Variants in NLGN1 observed in about 807,000 individuals in gnomAD.
NLGN1 encodes the protein neuroligin-1.
A neutral mutation model predicts 65.5 loss-of-function variants in NLGN1; 12 were observed. That is an observed-to-expected ratio of 0.18 (90% CI 0.12 to 0.30). NLGN1 has a LOEUF of 0.30. NLGN1 is among the 10% of genes least tolerant of loss of function. The pLI is 1.00. For synonymous variants in NLGN1, 350 were observed against 359.5 expected, an observed-to-expected ratio of 0.97 and a Z score of 0.30; for missense variants, 750 against 1,007.1, an observed-to-expected ratio of 0.74 and a Z score of 3.46.
intron 4 of NLGN1, among the ~76,000 whole-genome samples, chr3:173,873,380 C>A (rs1035151132): frequency 6.6e-6 from 1 of 152,224 alleles, no homozygotes; most frequent in African/African-American, 2.4e-5. Flanking sequence ...TGAGCCACCA[C>A]ACCTGGCCTG....
intron 2 of NLGN1, among the ~76,000 whole-genome samples, chr3:173,588,806 A>G (rs928681067): frequency 6.6e-5 from 10 of 152,140 alleles, no homozygotes; most frequent in African/African-American, 2.4e-4. Context: ...TCATCCTGAC[A>G]CTCATAAAAC....
rs143115233 is a variant in NLGN1 at position 174,174,673 on chromosome 3, G to A, written c.647-100642G>A. The stretch of plus-strand genomic sequence containing the variant: ...CCTTAGCCCACTTTTTGATGGGATT[G>A]TTTTTTTCTTGCTAATTTGTTTGAG... On this transcript the variant is annotated intron_variant, in intron 4 of 6. Coordinates refer to ENST00000457714, the Ensembl canonical transcript of NLGN1. Among the ~76,000 whole-genome samples, 627 of 151,830 alleles carry A rather than the reference G, an allele frequency of 4.1e-3. 4 individuals are homozygous for A. The highest frequency in any genetic ancestry group is 0.014 in the African/African-American group (600 of 41,468).
At chr3:173,723,355 T>C (rs1158615917) in intron 3 of NLGN1, among the ~76,000 whole-genome samples, 1 of 152,220 alleles carries the variant, frequency 6.6e-6, no homozygotes, top group East Asian at 1.9e-4. Flanking sequence ...CACAATACTT[T>C]CTAATCACAT....
intron 2 of NLGN1, among the ~76,000 whole-genome samples, chr3:173,524,099 T>G (rs1735231788): frequency 6.6e-6 from 1 of 150,874 alleles, no homozygotes; most frequent in African/African-American, 2.4e-5. Context: ...TTTTTTTTTT[T>G]GTATGTTTAG....
intron 4 of NLGN1, among the ~76,000 whole-genome samples, chr3:174,175,306 G>C (rs369967388): frequency 3.5e-4 from 53 of 151,874 alleles, no homozygotes; most frequent in Middle Eastern, 3.4e-3. Flanking sequence ...TTATATATCT[G>C]AGTGTTCCAG....
At chr3:173,403,981 T>C (rs1577295324) in intron 1 of NLGN1, among the ~76,000 whole-genome samples, 1 of 152,126 alleles carries the variant, frequency 6.6e-6, no homozygotes, top group Non-Finnish European at 1.5e-5. Flanking sequence ...AGGTACAATA[T>C]GGTGCAATAG....
At chr3:173,842,619 C>G (rs1055298417) in intron 4 of NLGN1, among the ~76,000 whole-genome samples, 2 of 152,210 alleles carry the variant, frequency 1.3e-5, no homozygotes, top group African/African-American at 4.8e-5. Flanking sequence ...GCAGACAAAT[C>G]TTAAAGCTCC....
intron 3 of NLGN1, among the ~76,000 whole-genome samples, chr3:173,790,326 G>A (rs2029335): frequency 0.68 from 103,208 of 151,756 alleles, 36,232 homozygotes; most frequent in Non-Finnish European, 0.77. Context: ...ACAGAGCTGC[G>A]TCCATATCCT....
intron 4 of NLGN1, among the ~76,000 whole-genome samples, chr3:173,991,687 C>G (rs1398804714): frequency 6.6e-6 from 1 of 152,174 alleles, no homozygotes; most frequent in Non-Finnish European, 1.5e-5. Flanking sequence ...CTTCTTCTTT[C>G]ATACCTCATT....
chr3:174,042,398 G>T (rs1217573316), intron 4 of NLGN1, among the ~76,000 whole-genome samples: 1 of 152,148 alleles, frequency 6.6e-6, no homozygotes, highest in African/African-American at 2.4e-5. Context: ...GTGGCGTGAG[G>T]TAGATGTTGA....
chr3:174,131,447 A>T (rs896918694), intron 4 of NLGN1, among the ~76,000 whole-genome samples: 14 of 152,168 alleles, frequency 9.2e-5, no homozygotes, highest in Non-Finnish European at 1.8e-4. Context: ...CCCAGAGCTG[A>T]GTTCTGATTC....
intron 2 of NLGN1, among the ~76,000 whole-genome samples, chr3:173,603,215 AG>A (rs1750828739): frequency 6.6e-6 from 1 of 152,162 alleles, no homozygotes; most frequent in Non-Finnish European, 1.5e-5. Context: ...GCACTTCAAA[AG>A]GTTGCTTGAA....
At chr3:173,653,321 GT>G (rs1388397394) in intron 3 of NLGN1, among the ~76,000 whole-genome samples, 2 of 152,076 alleles carry the variant, frequency 1.3e-5, no homozygotes, top group Non-Finnish European at 2.9e-5. Flanking sequence ...TCTTGTTCTA[GT>G]TTTAAAAGGA....
intron 4 of NLGN1, among the ~76,000 whole-genome samples, chr3:174,249,541 C>T (rs1188332389): frequency 6.6e-6 from 1 of 152,150 alleles, no homozygotes; most frequent in Non-Finnish European, 1.5e-5. Flanking sequence ...ACAGTTCTGT[C>T]CCCAGGAGCT....
intron 2 of NLGN1, among the ~76,000 whole-genome samples, chr3:173,537,365 A>G (rs1737608327): frequency 6.6e-6 from 1 of 152,196 alleles, no homozygotes; most frequent in Non-Finnish European, 1.5e-5. Flanking sequence ...ACAAGGAGGT[A>G]AAGTCCTCGA....
intron 4 of NLGN1, among the ~76,000 whole-genome samples, chr3:174,135,427 T>C (rs1721031984): frequency 6.6e-6 from 1 of 152,210 alleles, no homozygotes. Context: ...GAGCAGTAGT[T>C]GTCTAGAGAA....
chr3:173,829,572 T>TTG lies in NLGN1; in HGVS notation c.646+21756_646+21757dup, dbSNP rs753331278. Reference sequence around the variant, plus strand: ...TGTGTGCGTGTGTGTGTGTGTGTGTTTGTGTGTGTGTGTGTGTTAAGATCA... The same window carrying TTG: ...TGTGTGCGTGTGTGTGTGTGTGTGTTTGTGTGTGTGTGTGTGTGTTAAGATCA... On this transcript the variant is annotated intron_variant, in intron 4 of 6. Transcript: ENST00000457714. Among the ~76,000 whole-genome samples, 116 of 100,870 alleles carry TTG rather than the reference T, an allele frequency of 1.1e-3. 1 individual carries two copies. The South Asian group carries it at 0.025, about 22-fold the overall frequency. 66.2% of individuals were successfully genotyped at this position (100,870 alleles called of 152,430 possible). A position where few individuals can be genotyped will look rare whatever the true frequency, so the allele number is the denominator to read the frequency against.
chr3:174,244,942 A>G (rs1188680520), intron 4 of NLGN1, among the ~76,000 whole-genome samples: 6 of 152,200 alleles, frequency 3.9e-5, no homozygotes. Flanking sequence ...TCTAGCCTCA[A>G]TTAACTTGGG....
rs553922155 is a variant in NLGN1, at chr3:174,274,149, T to C, written c.647-1166T>C. Reference sequence around the variant, plus strand: ...AAATTATATCCCTTAATATAATCAATTTATATCTAATAGGACTCTAAATAT... The same window carrying C: ...AAATTATATCCCTTAATATAATCAACTTATATCTAATAGGACTCTAAATAT... On this transcript the variant is annotated intron_variant, in intron 4 of 6. Coordinates refer to ENST00000457714, the Ensembl canonical transcript of NLGN1. Among the ~76,000 whole-genome samples, 5 of 151,620 alleles carry C rather than the reference T, an allele frequency of 3.3e-5. No individual in the cohort carries two copies. In the South Asian group the frequency reaches 1.0e-3, roughly 31 times the overall value.
Sources: gnomAD v4.1 joint callset for allele counts (sites outside exome capture counted in the v4.1 genomes callset) on GRCh38, gnomAD v4.1.1 for gene constraint, MANE v1.5 for transcripts, NCBI Gene and HGNC (gene_info 2026-07-23, HGNC 2026-07-21) for gene names.